BMAL1: variants seen among roughly 807,000 people sequenced by gnomAD.
BMAL1 encodes the protein basic helix-loop-helix ARNT-like protein 1.
chr11:13,310,793 C>T, the BMAL1 span, among the ~76,000 whole-genome samples: 6 of 152,196 alleles, frequency 3.9e-5, no homozygotes, highest in African/African-American at 1.2e-4. Flanking sequence ...ATCCTGAAGG[C>T]AGTGGGAAGC....
At chr11:13,336,910 T>TA in the BMAL1 span, among the ~76,000 whole-genome samples, 1 of 152,246 alleles carries the variant, frequency 6.6e-6, no homozygotes, top group South Asian at 2.1e-4. Context: ...TGTCCTTTGT[T>TA]ACTCCTATCT....
At chr11:13,367,111 G>A in the BMAL1 span, among the ~76,000 whole-genome samples, 1 of 152,100 alleles carries the variant, frequency 6.6e-6, no homozygotes. Flanking sequence ...AAAGGGCTAA[G>A]TTTGATTTGT....
the BMAL1 span, chr11:13,386,685 A>G: frequency 6.2e-7 from 1 of 1,614,218 alleles, no homozygotes; most frequent in Non-Finnish European, 8.5e-7. Flanking sequence ...GGCTGTCATC[A>G]TGAGCCTCTT....
the BMAL1 span, among the ~76,000 whole-genome samples, chr11:13,346,812 T>C: frequency 1.3e-5 from 2 of 152,188 alleles, no homozygotes; most frequent in African/African-American, 4.8e-5. Flanking sequence ...GACCACAGGC[T>C]AGGCTCTCCC....
the BMAL1 span, chr11:13,356,611 G>A: frequency 9.7e-7 from 1 of 1,026,948 alleles, no homozygotes; most frequent in Non-Finnish European, 1.4e-6. Flanking sequence ...ATCATTAATT[G>A]ATACTGTGGC....
the BMAL1 span, among the ~76,000 whole-genome samples, chr11:13,333,480 T>A: frequency 6.6e-6 from 1 of 152,236 alleles, no homozygotes; most frequent in African/African-American, 2.4e-5. Flanking sequence ...AGGTTGTGTA[T>A]GTTAAGACTG....
chr11:13,360,445 G>A, the BMAL1 span: 1 of 1,595,714 alleles, frequency 6.3e-7, no homozygotes. Context: ...TTATGGGATT[G>A]TTTTACAACG....
the BMAL1 span, among the ~76,000 whole-genome samples, chr11:13,286,120 A>C: frequency 6.6e-6 from 1 of 152,344 alleles, no homozygotes; most frequent in African/African-American, 2.4e-5. Context: ...GCGAGCCCTC[A>C]AAAGCTATTT....
At chr11:13,290,301 C>G in the BMAL1 span, among the ~76,000 whole-genome samples, 1 of 152,176 alleles carries the variant, frequency 6.6e-6, no homozygotes, top group African/African-American at 2.4e-5. Flanking sequence ...CCATGTGAAT[C>G]TATTATCTGT....
At chr11:13,363,127 C>CATATATATATATAT in the BMAL1 span, among the ~76,000 whole-genome samples, 7 of 109,914 alleles carry the variant, frequency 6.4e-5, no homozygotes, top group South Asian at 2.9e-4. Flanking sequence ...GTCTTTATTT[C>CATATATATATATAT]ATATATATAT....
At chr11:13,310,264 A>G in the BMAL1 span, among the ~76,000 whole-genome samples, 1 of 152,310 alleles carries the variant, frequency 6.6e-6, no homozygotes, top group East Asian at 1.9e-4. Context: ...GAGGGAGGCC[A>G]GAGGAGGGGA....
chr11:13,333,070 G>T, the BMAL1 span, among the ~76,000 whole-genome samples: 1 of 151,414 alleles, frequency 6.6e-6, no homozygotes, highest in African/African-American at 2.4e-5. Context: ...GGGTTCAAGT[G>T]ATTCTCCTGC....
the BMAL1 span, among the ~76,000 whole-genome samples, chr11:13,338,198 T>TA: frequency 1.3e-4 from 19 of 151,886 alleles, no homozygotes; most frequent in Admixed American, 9.2e-4. Flanking sequence ...GTTTTTTTTT[T>TA]AAATTCTTCT....
At chr11:13,284,108 G>A in the BMAL1 span, among the ~76,000 whole-genome samples, 1,773 of 60,374 alleles carry the variant, frequency 0.029, 206 homozygotes, top group African/African-American at 0.086. Flanking sequence ...GTGTGTGTGT[G>A]TGTATATATA....
chr11:13,362,288 C>G, the BMAL1 span, among the ~76,000 whole-genome samples: 1 of 152,176 alleles, frequency 6.6e-6, no homozygotes, highest in African/African-American at 2.4e-5. Flanking sequence ...TGCCTCCTCC[C>G]CCTTCTCTCC....
chr11:13,281,406 T>C, the BMAL1 span, among the ~76,000 whole-genome samples: 3 of 152,236 alleles, frequency 2.0e-5, no homozygotes, highest in African/African-American at 7.2e-5. Flanking sequence ...CTTCTCTCGC[T>C]ACCACCTTTC....
chr11:13,369,930 G>A, the BMAL1 span, among the ~76,000 whole-genome samples: 1 of 152,124 alleles, frequency 6.6e-6, no homozygotes, highest in Non-Finnish European at 1.5e-5. Context: ...TAGGGCAGTT[G>A]GGAGCAGAGG....
chr11:13,293,789 G>C, the BMAL1 span, among the ~76,000 whole-genome samples: 1 of 152,368 alleles, frequency 6.6e-6, no homozygotes, highest in East Asian at 1.9e-4. Flanking sequence ...AGGTAACCAA[G>C]TGCAACAGAA....
At chr11:13,379,742 C>T in the BMAL1 span, 13 of 152,318 alleles carry the variant, frequency 8.5e-5, no homozygotes, top group African/African-American at 3.1e-4. Flanking sequence ...AAAGCCAGGG[C>T]TATTCTTGAG....
Sources: allele counts gnomAD v4.1 joint callset (sites outside exome capture counted in the v4.1 genomes callset), GRCh38; gene constraint gnomAD v4.1.1; transcripts MANE v1.5; gene names NCBI Gene and HGNC (gene_info 2026-07-23, HGNC 2026-07-21).